The following ARHGAP20 variants were observed in gnomAD, a reference collection of about 807,000 sequenced individuals.
ARHGAP20 encodes the protein rho GTPase-activating protein 20.
In ARHGAP20, 34 loss-of-function variants were observed where a neutral mutation model predicts 73.7. The observed-to-expected ratio is 0.46, with a 90% CI of 0.35 to 0.61. ARHGAP20 has a LOEUF of 0.61. Ranked by LOEUF, ARHGAP20 falls within the 20% of genes least tolerant of loss-of-function variation. The pLI is 0.00. For synonymous variants in ARHGAP20, 523 were observed against 518.2 expected, an observed-to-expected ratio of 1.01 and a Z score of -0.13; for missense variants, 1,314 against 1,420.9, an observed-to-expected ratio of 0.92 and a Z score of 1.21.
At chr11:110,597,259 T>C (rs1399636926) in intron 9 of ARHGAP20, among the ~76,000 whole-genome samples, 1 of 149,962 alleles carries the variant, frequency 6.7e-6, no homozygotes, top group Admixed American at 6.6e-5. Flanking sequence ...CTGCACGTTG[T>C]GCACATGTAC....
At chr11:110,650,342 T>G (rs150811262) in intron 2 of ARHGAP20, among the ~76,000 whole-genome samples, 1 of 152,188 alleles carries the variant, frequency 6.6e-6, no homozygotes, top group African/African-American at 2.4e-5. Context: ...GTTTCTTCTA[T>G]AACTACAAAA....
intron 3 of ARHGAP20, among the ~76,000 whole-genome samples, chr11:110,624,557 AG>A (rs765477224): frequency 6.6e-6 from 1 of 151,960 alleles, no homozygotes; most frequent in Non-Finnish European, 1.5e-5. Context: ...ACGGGTCAAT[AG>A]GAACAGCAAA....
At chr11:110,661,866 A>C (rs1949620606) in intron 2 of ARHGAP20, among the ~76,000 whole-genome samples, 1 of 152,054 alleles carries the variant, frequency 6.6e-6, no homozygotes, top group Admixed American at 6.6e-5. Flanking sequence ...ATAGCAATCC[A>C]CTTCTGCAAT....
rs1243619629 is a variant in ARHGAP20 at position 110,579,905 on chromosome 11, G to A, written c.3041C>T (p.Ala1014Val). ...CTCCATGGTGTCCTTCTTTGTATAG[G>A]CTGGGCGGCTGCAAGCCTGCCCTGA... ...PSSGQACSRP[A>V]YTKKDTMEWH... The change falls in exon 15 of 15, where the codon GCC becomes GTC. Residue 1014 changes from alanine to valine, a missense_variant. By Grantham distance (64) the Ala-to-Val change is moderately conservative (BLOSUM62 0). Coordinates refer to ENST00000683387, the MANE Select transcript of ARHGAP20 (RefSeq NM_001384657.1). 6.2e-7 allele frequency: 1 copy of A among 1,614,198 alleles called. No individual in the cohort carries two copies.
intron 2 of ARHGAP20, among the ~76,000 whole-genome samples, chr11:110,666,689 C>G (rs902387871): frequency 1.3e-5 from 2 of 152,180 alleles, no homozygotes; most frequent in Non-Finnish European, 2.9e-5. Flanking sequence ...ACTTCACATT[C>G]CCATCACATT....
intron 1 of ARHGAP20, among the ~76,000 whole-genome samples, chr11:110,696,625 T>C (rs916095158): frequency 6.6e-5 from 10 of 151,456 alleles, no homozygotes; most frequent in African/African-American, 2.4e-4. Context: ...GCTACATCGG[T>C]ATATTGTGTA....
intron 2 of ARHGAP20, among the ~76,000 whole-genome samples, chr11:110,668,222 C>T (rs1481125224): frequency 6.6e-6 from 1 of 152,228 alleles, no homozygotes; most frequent in Non-Finnish European, 1.5e-5. Flanking sequence ...CCTTCGGCAA[C>T]CACCATCCTT....
At chr11:110,612,415 G>A (rs1948390150) in intron 6 of ARHGAP20, among the ~76,000 whole-genome samples, 2 of 151,170 alleles carry the variant, frequency 1.3e-5, no homozygotes, top group African/African-American at 4.9e-5. Flanking sequence ...GCGACAGAGC[G>A]AGACTCCATC....
At position 110,712,409 on chromosome 11, in the gene ARHGAP20, G is replaced by C; in HGVS notation, c.-178C>G. ...GTCGGGGCCATGTACCTCCGCCTGC[G>C]CTCGACACCGCGGGCTGGAGGCGAG... is the stretch of plus-strand genomic sequence containing the variant. On this transcript the variant is annotated 5_prime_UTR_variant, in exon 1 of 15. Coordinates refer to ENST00000683387, the MANE Select transcript of ARHGAP20 (RefSeq NM_001384657.1). The C allele has an allele frequency of 3.0e-6, 1 of 334,322 alleles. No homozygotes were observed. Among genetic ancestry groups the C allele is most frequent in the East Asian group, 5.4e-5 (1 of 18,662 alleles). The allele number at this position is 334,322 out of a possible 1,614,324, so 20.7% of individuals were successfully genotyped here.
At chr11:110,684,089 A>G (rs1034624304) in intron 2 of ARHGAP20, among the ~76,000 whole-genome samples, 6 of 152,178 alleles carry the variant, frequency 3.9e-5, no homozygotes, top group African/African-American at 1.2e-4. Flanking sequence ...CAGAACTATG[A>G]ACAATAAATG....
At chr11:110,636,156 T>C (rs1313035943) in intron 2 of ARHGAP20, among the ~76,000 whole-genome samples, 1 of 152,090 alleles carries the variant, frequency 6.6e-6, no homozygotes, top group African/African-American at 2.4e-5. Flanking sequence ...GATGATAGTT[T>C]AAGTTTTGTG....
At chr11:110,671,182 T>G (rs933158442) in intron 2 of ARHGAP20, among the ~76,000 whole-genome samples, 24 of 151,744 alleles carry the variant, frequency 1.6e-4, no homozygotes, top group African/African-American at 5.8e-4. Context: ...AAATAGAAAT[T>G]TATTAAAAAA....
intron 1 of ARHGAP20, among the ~76,000 whole-genome samples, chr11:110,697,370 T>C (rs1350382844): frequency 6.6e-6 from 1 of 151,610 alleles, no homozygotes; most frequent in African/African-American, 2.4e-5. Context: ...TTTTTGCCAC[T>C]TGCTTTTCTT....
intron 2 of ARHGAP20, among the ~76,000 whole-genome samples, chr11:110,637,364 G>A (rs146143556): frequency 6.6e-5 from 10 of 152,100 alleles, no homozygotes; most frequent in East Asian, 1.9e-4. Flanking sequence ...GTCACTGACC[G>A]ATAACTGTTA....
At position 110,611,918 on chromosome 11, in the gene ARHGAP20, T is replaced by C. The variant is rs569356745; in HGVS notation, c.631-532A>G. On this transcript the variant is annotated intron_variant, in intron 6 of 14. Transcript: ENST00000683387. The stretch of plus-strand genomic sequence containing the variant: ...AGCTTAGAATTTTAAAAAGTCACTA[T>C]TGGGAACTTTCCATGTGTCACACAC... Among the ~76,000 whole-genome samples the C allele has an allele frequency of 5.9e-5, 9 of 152,342 alleles. No individual in the cohort carries two copies. In the East Asian group the frequency reaches 1.5e-3, roughly 26 times the overall value.
In ARHGAP20 at chr11:110,621,403, G is replaced by C. The variant is rs189790; in HGVS notation, c.503+2759C>G. On this transcript the variant is annotated intron_variant, in intron 4 of 14. Coordinates refer to ENST00000683387, the MANE Select transcript of ARHGAP20 (RefSeq NM_001384657.1). ...CAGTGACATGTATATTATACTTTTT[G>C]ATATATTCCCACAAGTCCGTGATAC... Among the ~76,000 whole-genome samples, 462 of 151,502 alleles carry C rather than the reference G, an allele frequency of 3.0e-3. 2 individuals carry two copies. Among genetic ancestry groups the C allele is most frequent in the African/African-American group, 0.011 (440 of 41,348 alleles).
At chr11:110,632,870 A>G (rs1165416734) in intron 2 of ARHGAP20, among the ~76,000 whole-genome samples, 1 of 152,168 alleles carries the variant, frequency 6.6e-6, no homozygotes, top group African/African-American at 2.4e-5. Context: ...TTTTTCATGT[A>G]TCCTAGATTC....
chr11:110,657,113 T>G (rs964702186), intron 2 of ARHGAP20, among the ~76,000 whole-genome samples: 9 of 152,246 alleles, frequency 5.9e-5, no homozygotes, highest in Non-Finnish European at 1.2e-4. Context: ...TATTCATTGC[T>G]AAAATAGAAA....
chr11:110,578,819 AC>A lies in ARHGAP20; in HGVS notation c.*550del, dbSNP rs1947354436. ...GTTCTTGGAATGATTCTGTAAGGAC[AC>A]GTGATTAGTAAGATCCCACAAAAAT... On this transcript the variant is annotated 3_prime_UTR_variant, in exon 15 of 15. Transcript: ENST00000683387. The A allele has an allele frequency of 1.0e-6, 1 of 985,928 alleles. No individual in the cohort carries two copies. Among genetic ancestry groups the A allele is most frequent in the Non-Finnish European group, 1.2e-6 (1 of 830,022 alleles). The allele number at this position is 985,928 out of a possible 1,614,324, so 61.1% of individuals were successfully genotyped here. A position where few individuals can be genotyped will look rare whatever the true frequency, so the allele number is the denominator to read the frequency against.
Sources: gnomAD v4.1 joint callset for allele counts (sites outside exome capture counted in the v4.1 genomes callset) on GRCh38, gnomAD v4.1.1 for gene constraint, MANE v1.5 for transcripts, NCBI Gene and HGNC (gene_info 2026-07-23, HGNC 2026-07-21) for gene names.